EGFL6: variants seen among roughly 807,000 people sequenced by gnomAD.
EGFL6 encodes the protein epidermal growth factor-like protein 6.
Under a neutral mutation model 43.1 loss-of-function variants are expected in EGFL6, and 42 were observed. The ratio of observed to expected loss-of-function variants is 0.98; its 90% CI spans 0.76 to 1.26. The LOEUF (loss-of-function observed/expected upper bound fraction) is 1.26, where lower values mean the gene tolerates loss of function less well. Ranked by LOEUF, EGFL6 falls within the 50% of genes most tolerant of loss-of-function variation. EGFL6 has a pLI of 0.00. For missense variants in EGFL6, 429 were observed against 427.8 expected (o/e 1.00, Z -0.02); for synonymous variants, 164 against 163.2 (o/e 1.01, Z -0.04).
intron 1 of EGFL6, among the ~76,000 whole-genome samples, chrX:13,586,492 G>A (rs1264087667): frequency 9.0e-6 from 1 of 111,279 alleles, no homozygotes; most frequent in Non-Finnish European, 1.9e-5. Flanking sequence ...GCATGGTCAG[G>A]TTCTGGTGAG....
rs768160742 is a variant in EGFL6, at chrX:13,597,654, A to C, written c.281-2321A>C. 3.6e-5 allele frequency among the ~76,000 whole-genome samples: 4 copies of C among 111,219 alleles called. No individual in the cohort carries two copies. In the East Asian group the frequency reaches 8.5e-4, roughly 24 times the overall value. ...CAAAAATTAGCCAGGCGTGGTGGCG[A>C]ATGCCTGTAATCCTAGCTACTCGGG... is the stretch of plus-strand genomic sequence containing the variant. On this transcript the variant is annotated intron_variant, in intron 3 of 11. Transcript: ENST00000361306.
At chrX:13,605,330 C>G (rs905416797) in intron 5 of EGFL6, among the ~76,000 whole-genome samples, 1 of 110,815 alleles carries the variant, frequency 9.0e-6, no homozygotes, top group Admixed American at 9.6e-5. Context: ...CCCAGCTATG[C>G]TAGAGGCTGA....
intron 4 of EGFL6, among the ~76,000 whole-genome samples, chrX:13,600,795 G>GA (rs200826067): frequency 0.015 from 1,509 of 100,977 alleles, 41 homozygotes; most frequent in African/African-American, 0.052. Flanking sequence ...TGTAATCTCA[G>GA]AAAGAAAAAA....
At chrX:13,608,180 A>G (rs906894702) in intron 6 of EGFL6, 144 bp from the exon 7 acceptor site, 2 of 703,518 alleles carry the variant, frequency 2.8e-6, no homozygotes, top group Non-Finnish European at 4.0e-6. Flanking sequence ...ATGAGCCTGC[A>G]GTTCTGAACA....
chrX:13,630,238 A>G (rs2045803240), intron 11 of EGFL6, among the ~76,000 whole-genome samples: 1 of 112,221 alleles, frequency 8.9e-6, no homozygotes, highest in Non-Finnish European at 1.9e-5. Flanking sequence ...TTTGATTGTT[A>G]TATCCCAAAT....
intron 1 of EGFL6, among the ~76,000 whole-genome samples, chrX:13,580,503 T>G (rs1045710367): frequency 9.0e-6 from 1 of 111,514 alleles, no homozygotes; most frequent in African/African-American, 3.3e-5. Flanking sequence ...AGCCAAAAAC[T>G]GGGGTATCAT....
rs200796790 is a variant in EGFL6, at chrX:13,613,913, C to CT, written c.779-3817_779-3816insT. On this transcript the variant is annotated intron_variant, in intron 7 of 11. Transcript: ENST00000361306. ...CCAGGCCATCCCCATTTTTTTTCTT[C>CT]AATTATAAACATTAGAAACTTGGAG... Among the ~76,000 whole-genome samples, 372 of 111,264 alleles carry CT rather than the reference C, an allele frequency of 3.3e-3. 1 individual carries two copies. Among genetic ancestry groups the CT allele is most frequent in the African/African-American group, 0.012 (361 of 30,635 alleles).
intron 11 of EGFL6, among the ~76,000 whole-genome samples, chrX:13,630,255 G>C (rs2045803358): frequency 8.9e-6 from 1 of 111,965 alleles, no homozygotes; most frequent in African/African-American, 3.2e-5. Context: ...AAATCTCCTT[G>C]ATAAAAAAGA....
chrX:13,619,377 C>G, intron 9 of EGFL6, 134 bp downstream of exon 9: 1 of 524,378 alleles, frequency 1.9e-6, no homozygotes, highest in Non-Finnish European at 3.3e-6. Context: ...CATTACATCA[C>G]ACACACAGTG....
rs1569207200 is a variant in EGFL6 at position 13,608,316 on chromosome X, T to C, written c.656-8T>C. 8.3e-7 allele frequency: 1 copy of C among 1,210,288 alleles called. No individual in the cohort carries two copies. The highest frequency in any genetic ancestry group is 1.1e-6 in the Non-Finnish European group (1 of 894,579). On this transcript the variant is annotated splice_polypyrimidine_tract_variant and splice_region_variant and intron_variant, in intron 6 of 11. Transcript: ENST00000361306. Reference sequence around the variant, plus strand: ...CACAGAGTCGTTCACTGGAATGTTCTTTTTTAGATATAAATGAATGTACTA... The same window carrying C: ...CACAGAGTCGTTCACTGGAATGTTCCTTTTTAGATATAAATGAATGTACTA...
chrX:13,600,277 C>CT (rs377751812), intron 4 of EGFL6, among the ~76,000 whole-genome samples, 183 bp downstream of exon 4: 23,140 of 60,115 alleles, frequency 0.38, 5,097 homozygotes, highest in East Asian at 0.57. Context: ...TTCTTTCTTT[C>CT]TTCTTTTTTT....
chrX:13,627,151 G>T lies in EGFL6; in HGVS notation c.1426G>T (p.Gly476Trp). The T allele has an allele frequency of 1.7e-6, 2 of 1,212,038 alleles. No individual in the cohort carries two copies. The highest frequency in any genetic ancestry group is 2.2e-6 in the Non-Finnish European group (2 of 895,619). Reference sequence around the variant, plus strand: ...TTACCGGCTGGCCGGAGACAAAGTCGGGAAACTTCGAGTGTTTGTGAAAAA... The same window carrying T: ...TTACCGGCTGGCCGGAGACAAAGTCTGGAAACTTCGAGTGTTTGTGAAAAA... ...FDYRLAGDKV[G>W]KLRVFVKNSN... The change falls in exon 11 of 12, where the codon GGG becomes TGG. Residue 476 changes from glycine to tryptophan, a missense_variant. Gly to Trp is a radical substitution (Grantham distance 184). Transcript: ENST00000361306.
rs2045589152 is a variant in EGFL6, at chrX:13,594,985, G to A, written c.280+57G>A. The A allele has an allele frequency of 8.7e-6, 8 of 918,507 alleles. No homozygotes were observed. In the South Asian group the frequency reaches 9.8e-5, roughly 11 times the overall value. 75.7% of individuals were successfully genotyped at this position (918,507 alleles called of 1,213,427 possible). On this transcript the variant is annotated intron_variant, in intron 3 of 11. Transcript: ENST00000361306. The stretch of plus-strand genomic sequence containing the variant: ...ATTCAATCATTGCAGCAGGGCTGGC[G>A]ACTCAATATGGTACGCAGGATTTCT...
At chrX:13,625,709 A>C (rs2045775089) in intron 10 of EGFL6, among the ~76,000 whole-genome samples, 1 of 109,126 alleles carries the variant, frequency 9.2e-6, no homozygotes, top group African/African-American at 3.4e-5. Flanking sequence ...ATAAAAAATA[A>C]AACACAAAAA....
At chrX:13,609,020 T>G (rs1480379709) in intron 7 of EGFL6, among the ~76,000 whole-genome samples, 1 of 112,794 alleles carries the variant, frequency 8.9e-6, no homozygotes, top group Non-Finnish European at 1.9e-5. Flanking sequence ...TAATACTTTT[T>G]GTTAAAACTT....
In EGFL6 at chrX:13,578,679, A is replaced by G. The variant is rs1304788448; in HGVS notation, c.74+8744A>G. Among the ~76,000 whole-genome samples, 3 of 111,049 alleles carry G rather than the reference A, an allele frequency of 2.7e-5. No individual in the cohort carries two copies. In the East Asian group the frequency reaches 8.5e-4, roughly 31 times the overall value. On this transcript the variant is annotated intron_variant, in intron 1 of 11. Transcript: ENST00000361306. ...TCATTCTCAGCAAACTATCGCAAGG[A>G]CAAAAAACCAAACACCGCATATTCT...
chrX:13,589,634 C>G lies in EGFL6; in HGVS notation c.153C>G (p.Tyr51Ter), dbSNP rs747542958. ...CHYGTKLACC[Y>*]GWRRNSKGVC... ...ATGGAACTAAACTGGCCTGCTGCTACGGCTGGAGAAGAAACAGCAAGGGAG... is the reference window on the plus strand; with the variant it reads ...ATGGAACTAAACTGGCCTGCTGCTAGGGCTGGAGAAGAAACAGCAAGGGAG... The change falls in exon 2 of 12, where the codon TAC becomes TAG. Residue 51 changes from tyrosine to a stop codon, truncating the protein, a stop_gained. Coordinates refer to ENST00000361306, the MANE Select transcript of EGFL6 (RefSeq NM_015507.4). LOFTEE classifies it high-confidence loss of function. 1.7e-6 allele frequency: 2 copies of G among 1,209,047 alleles called. No individual in the cohort carries two copies.
At chrX:13,600,239 C>A in intron 4 of EGFL6, 145 bp downstream of exon 4, 9 of 282,702 alleles carry the variant, frequency 3.2e-5, no homozygotes, top group Non-Finnish European at 3.9e-5. Flanking sequence ...GCACTTGTTT[C>A]TTTCTTTCTT....
intron 6 of EGFL6, among the ~76,000 whole-genome samples, chrX:13,606,739 C>A (rs1464084932): frequency 8.9e-6 from 1 of 112,499 alleles, no homozygotes; most frequent in African/African-American, 3.2e-5. Context: ...AGGAATACAG[C>A]TCTCTTGTGG....
Sources: allele counts gnomAD v4.1 joint callset (sites outside exome capture counted in the v4.1 genomes callset), GRCh38; gene constraint gnomAD v4.1.1; transcripts MANE v1.5; gene names NCBI Gene and HGNC (gene_info 2026-07-23, HGNC 2026-07-21).